Variants in CLSTN2 observed in about 807,000 individuals in gnomAD.
The protein encoded by CLSTN2 is calsyntenin 2, also known as calsyntenin-2.
A neutral mutation model predicts 101.2 loss-of-function variants in CLSTN2; 48 were observed. The ratio of observed to expected loss-of-function variants is 0.47; its 90% confidence interval spans 0.38 to 0.60. CLSTN2 has a LOEUF of 0.60. CLSTN2 is among the 20% of genes least tolerant of loss of function. CLSTN2 has a pLI of 0.00. For synonymous variants in CLSTN2, 481 were observed against 463.6 expected, an observed-to-expected ratio of 1.04 and a Z score of -0.48; for missense variants, 1,160 against 1,238.2, an observed-to-expected ratio of 0.94 and a Z score of 0.95.
intron 1 of CLSTN2, among the ~76,000 whole-genome samples, chr3:140,067,390 A>T (rs1203568805): frequency 6.6e-6 from 1 of 152,156 alleles, no homozygotes; most frequent in East Asian, 1.9e-4. Flanking sequence ...TTTCCCACAG[A>T]TGAAACTCCC....
At chr3:140,513,130 A>C (rs749054299) in intron 8 of CLSTN2, among the ~76,000 whole-genome samples, 1 of 152,150 alleles carries the variant, frequency 6.6e-6, no homozygotes, top group Non-Finnish European at 1.5e-5. Context: ...CCTGGGCCAA[A>C]CTTCCAATAC....
At chr3:140,039,306 G>T (rs2007716963) in intron 1 of CLSTN2, among the ~76,000 whole-genome samples, 2 of 151,644 alleles carry the variant, frequency 1.3e-5, no homozygotes, top group Admixed American at 1.3e-4. Context: ...CCCTTTGAAG[G>T]CTTTTAGCGT....
At chr3:140,042,403 G>A (rs1200877314) in intron 1 of CLSTN2, among the ~76,000 whole-genome samples, 1 of 152,154 alleles carries the variant, frequency 6.6e-6, no homozygotes, top group Non-Finnish European at 1.5e-5. Context: ...GTGTCTATTA[G>A]TACTTTATCC....
intron 2 of CLSTN2, among the ~76,000 whole-genome samples, chr3:140,333,208 T>A (rs572920608): frequency 6.6e-6 from 1 of 152,310 alleles, no homozygotes; most frequent in African/African-American, 2.4e-5. Context: ...ATCAGCATCA[T>A]CCACCTCCTT....
intron 2 of CLSTN2, among the ~76,000 whole-genome samples, chr3:140,226,230 A>C (rs2086319087): frequency 1.4e-5 from 2 of 146,160 alleles, no homozygotes; most frequent in Non-Finnish European, 3.0e-5. Context: ...TGGGGATGGG[A>C]GGGAAGTAGA....
intron 1 of CLSTN2, among the ~76,000 whole-genome samples, chr3:140,117,936 C>G (rs1179173609): frequency 9.2e-5 from 14 of 152,124 alleles, no homozygotes. Context: ...CTTCTTAGGC[C>G]AGCAATGGGC....
At chr3:139,978,243 C>A (rs1935854401) in intron 1 of CLSTN2, among the ~76,000 whole-genome samples, 1 of 152,154 alleles carries the variant, frequency 6.6e-6, no homozygotes, top group African/African-American at 2.4e-5. Flanking sequence ...CTTTCCCAAC[C>A]CTGTTGGTGT....
rs150296330 is a variant in CLSTN2 at position 140,107,942 on chromosome 3, G to T, written c.110-68009G>T. 2.6e-5 allele frequency among the ~76,000 whole-genome samples: 4 copies of T among 152,258 alleles called. No homozygotes were observed. In the East Asian group the frequency reaches 7.7e-4, roughly 29 times the overall value. On this transcript the variant is annotated intron_variant, in intron 1 of 16. Coordinates refer to ENST00000458420, the MANE Select transcript of CLSTN2 (RefSeq NM_022131.3). ...AAGTGAGAGACTTCTCTGAGGCAGC[G>T]CCTCCAGCAATAGGCAATTTGGGAC...
intron 2 of CLSTN2, among the ~76,000 whole-genome samples, chr3:140,286,457 T>C (rs2086896675): frequency 6.6e-6 from 1 of 152,200 alleles, no homozygotes; most frequent in South Asian, 2.1e-4. Context: ...GTGATGTCCC[T>C]GACAAATTAG....
At chr3:139,941,389 T>C (rs1229832817) in intron 1 of CLSTN2, among the ~76,000 whole-genome samples, 1 of 152,194 alleles carries the variant, frequency 6.6e-6, no homozygotes, top group Non-Finnish European at 1.5e-5. Context: ...GGTCCTGTTC[T>C]CTAGCCTTTT....
intron 8 of CLSTN2, among the ~76,000 whole-genome samples, chr3:140,522,302 A>G (rs796632802): frequency 3.3e-5 from 5 of 152,342 alleles, no homozygotes; most frequent in African/African-American, 1.2e-4. Flanking sequence ...TGAGTGCCAC[A>G]GACCGCAGCT....
chr3:140,558,564 A>G lies in CLSTN2; in HGVS notation c.1824-76A>G, dbSNP rs1935845403. On this transcript the variant is annotated intron_variant, in intron 11 of 16. Coordinates refer to ENST00000458420, the MANE Select transcript of CLSTN2 (RefSeq NM_022131.3). Reference sequence around the variant, plus strand: ...GCCTTGTTAAGAACTGGAGGTGGCAACCCCTTGTTCCTGGCTGTATGACAG... The same window carrying G: ...GCCTTGTTAAGAACTGGAGGTGGCAGCCCCTTGTTCCTGGCTGTATGACAG... 9 of 1,234,924 alleles carry G rather than the reference A, an allele frequency of 7.3e-6. No homozygotes were observed. In the South Asian group the frequency reaches 1.2e-4, roughly 17 times the overall value. The allele number at this position is 1,234,924 out of a possible 1,614,324, so 76.5% of individuals were successfully genotyped here.
chr3:140,536,924 C>T (rs1935371722), intron 9 of CLSTN2, among the ~76,000 whole-genome samples: 2 of 152,132 alleles, frequency 1.3e-5, no homozygotes, highest in African/African-American at 4.8e-5. Context: ...ACCTTGGATT[C>T]CCACAAATAT....
At chr3:140,455,621 C>T (rs1408101413) in intron 6 of CLSTN2, among the ~76,000 whole-genome samples, 1 of 152,142 alleles carries the variant, frequency 6.6e-6, no homozygotes, top group Non-Finnish European at 1.5e-5. Context: ...TCCTCAGCTG[C>T]CTGGGGCCCC....
At chr3:140,497,100 CAA>C (rs57659394) in intron 8 of CLSTN2, among the ~76,000 whole-genome samples, 35 of 87,966 alleles carry the variant, frequency 4.0e-4, no homozygotes, top group African/African-American at 9.3e-4. Context: ...GACTCCGTCT[CAA>C]AAAAAAAAAA....
At chr3:140,050,032 T>C (rs1440914888) in intron 1 of CLSTN2, among the ~76,000 whole-genome samples, 9 of 152,230 alleles carry the variant, frequency 5.9e-5, no homozygotes, top group Non-Finnish European at 8.8e-5. Flanking sequence ...GATTTCTTCA[T>C]TGATAAAATC....
At chr3:140,050,340 G>C (rs1294090598) in intron 1 of CLSTN2, among the ~76,000 whole-genome samples, 1 of 152,106 alleles carries the variant, frequency 6.6e-6, no homozygotes, top group Non-Finnish European at 1.5e-5. Context: ...ACTATGTTGA[G>C]CCATATGAAA....
chr3:139,945,132 C>T (rs1212088017), intron 1 of CLSTN2, among the ~76,000 whole-genome samples: 1 of 152,150 alleles, frequency 6.6e-6, no homozygotes, highest in African/African-American at 2.4e-5. Flanking sequence ...ATGATGTCTG[C>T]TGTATTATAT....
intron 2 of CLSTN2, among the ~76,000 whole-genome samples, chr3:140,379,382 G>A (rs2087954789): frequency 6.6e-6 from 1 of 152,220 alleles, no homozygotes. Context: ...GCCGAGAAGG[G>A]AAGGGGAAGG....
Sources: gnomAD v4.1 joint callset for allele counts (sites outside exome capture counted in the v4.1 genomes callset) on GRCh38, gnomAD v4.1.1 for gene constraint, MANE v1.5 for transcripts, NCBI Gene and HGNC (gene_info 2026-07-23, HGNC 2026-07-21) for gene names.